MBD5: variants seen among roughly 807,000 people sequenced by gnomAD.
MBD5 encodes the protein methyl-CpG-binding domain protein 5.
Under a neutral mutation model 117.3 loss-of-function variants are expected in MBD5, and 13 were observed. The observed-to-expected ratio is 0.11, with a 90% CI of 0.07 to 0.18. MBD5 has a LOEUF of 0.18. MBD5 is among the 10% of genes least tolerant of loss of function. The pLI, the probability that MBD5 is intolerant of heterozygous loss-of-function variation, is 1.00. For synonymous variants in MBD5, 727 were observed against 766.4 expected, an observed-to-expected ratio of 0.95 and a Z score of 0.85; for missense variants, 1,879 against 2,093.8, an observed-to-expected ratio of 0.90 and a Z score of 2.00.
intron 1 of MBD5, among the ~76,000 whole-genome samples, chr2:148,030,018 C>G (rs999785986): frequency 6.6e-6 from 1 of 152,066 alleles, no homozygotes; most frequent in African/African-American, 2.4e-5. Flanking sequence ...ATGCCTTAAC[C>G]CCAGCACTTT....
At chr2:148,072,495 C>A (rs138500672) in intron 1 of MBD5, among the ~76,000 whole-genome samples, 57 of 152,080 alleles carry the variant, frequency 3.7e-4, no homozygotes, top group Non-Finnish European at 7.2e-4. Context: ...AGTAGTAGAT[C>A]CTTTTGTGAA....
At chr2:148,133,087 AG>A (rs746901934) in intron 1 of MBD5, among the ~76,000 whole-genome samples, 37 of 152,344 alleles carry the variant, frequency 2.4e-4, no homozygotes, top group Non-Finnish European at 4.9e-4. Flanking sequence ...GTATTATAAC[AG>A]AATGTTAATT....
chr2:148,222,994 A>C (rs2106082947), intron 2 of MBD5, among the ~76,000 whole-genome samples: 1 of 152,282 alleles, frequency 6.6e-6, no homozygotes, highest in East Asian at 1.9e-4. Flanking sequence ...GAATTTTATC[A>C]ACTGCTTTTT....
intron 4 of MBD5, among the ~76,000 whole-genome samples, chr2:148,344,566 T>C (rs1421032655): frequency 6.6e-6 from 1 of 152,028 alleles, no homozygotes; most frequent in Non-Finnish European, 1.5e-5. Context: ...GGTTTGTGAA[T>C]GTGTGTGTGA....
At chr2:148,171,633 A>G (rs1574092252) in intron 1 of MBD5, among the ~76,000 whole-genome samples, 1 of 152,222 alleles carries the variant, frequency 6.6e-6, no homozygotes, top group African/African-American at 2.4e-5. Flanking sequence ...GTTAGGCAAG[A>G]GAAAGAAAGA....
chr2:148,346,207 G>GAAC (rs1359094276), intron 4 of MBD5: 2 of 150,802 alleles, frequency 1.3e-5, no homozygotes, highest in Admixed American at 6.6e-5. Context: ...AGAAGAAGAA[G>GAAC]AAGAGGAAGA....
At chr2:148,306,661 G>A (rs1181695023) in intron 3 of MBD5, among the ~76,000 whole-genome samples, 1 of 152,124 alleles carries the variant, frequency 6.6e-6, no homozygotes. Flanking sequence ...CAAAGAACCA[G>A]CAATGTTTCA....
At chr2:148,230,233 T>C (rs765851811) in intron 2 of MBD5, among the ~76,000 whole-genome samples, 7 of 152,188 alleles carry the variant, frequency 4.6e-5, no homozygotes, top group Non-Finnish European at 1.0e-4. Context: ...GGTGTTCTAT[T>C]GTACTGTGGC....
intron 2 of MBD5, among the ~76,000 whole-genome samples, chr2:148,202,651 T>C (rs577730972): frequency 6.6e-6 from 1 of 152,280 alleles, no homozygotes; most frequent in South Asian, 2.1e-4. Flanking sequence ...TTGATGTGAT[T>C]TGAGAAATTT....
chr2:148,102,763 A>G (rs11676251), intron 1 of MBD5, among the ~76,000 whole-genome samples: 677 of 35,518 alleles, frequency 0.019, 7 homozygotes, highest in African/African-American at 0.048. Flanking sequence ...GAGAGAGAGG[A>G]AGAGAGAGAG....
chr2:148,222,242 A>G (rs1009536865), intron 2 of MBD5, among the ~76,000 whole-genome samples: 3 of 151,772 alleles, frequency 2.0e-5, no homozygotes, highest in Non-Finnish European at 2.9e-5. Context: ...GACTATTTTG[A>G]ATTTTCTGTG....
chr2:148,507,664 A>G (rs137992882), intron 12 of MBD5, among the ~76,000 whole-genome samples: 2,326 of 151,938 alleles, frequency 0.015, 51 homozygotes, highest in African/African-American at 0.054. Flanking sequence ...GGGGGCTGAG[A>G]CAGGAGAATG....
At chr2:148,474,532 A>T (rs111598408) in intron 8 of MBD5, among the ~76,000 whole-genome samples, 9 of 150,716 alleles carry the variant, frequency 6.0e-5, no homozygotes, top group Non-Finnish European at 1.0e-4. Context: ...ATTTTTTCCT[A>T]AAAAAAAACC....
intron 8 of MBD5, 130 bp from the exon 9 acceptor site, chr2:148,482,980 C>T (rs1343396167): frequency 2.2e-5 from 21 of 960,974 alleles, no homozygotes; most frequent in Middle Eastern, 2.3e-4. Context: ...TACAATTAAT[C>T]TAGTTACAAT....
intron 3 of MBD5, among the ~76,000 whole-genome samples, chr2:148,268,412 CTTTCTA>C (rs1700909258): frequency 6.6e-6 from 1 of 151,678 alleles, no homozygotes; most frequent in Admixed American, 6.6e-5. Flanking sequence ...TTTATGTTAT[CTTTCTA>C]TTTATATGAG....
In MBD5 at chr2:148,021,498, A is replaced by ACTGCTGCTGCTGCTACTG; in HGVS notation, c.-1102_-1085dup. ...TGCTGCTGTTGCTGCTGCTGCTGCT[A>ACTGCTGCTGCTGCTACTG]CTGCTGCTGCTGCTACTGCTGCTGC... On this transcript the variant is annotated 5_prime_UTR_variant, in exon 1 of 14. Transcript: ENST00000642680. 2 of 570,496 alleles carry ACTGCTGCTGCTGCTACTG rather than the reference A, an allele frequency of 3.5e-6. No homozygotes were observed. Among genetic ancestry groups the ACTGCTGCTGCTGCTACTG allele is most frequent in the Non-Finnish European group, 6.7e-6 (2 of 296,562 alleles). The allele number at this position is 570,496 out of a possible 1,614,324, so 35.3% of individuals were successfully genotyped here. A position where few individuals can be genotyped will look rare whatever the true frequency, so the allele number is the denominator to read the frequency against.
At chr2:148,393,145 A>G (rs531061512) in intron 4 of MBD5, among the ~76,000 whole-genome samples, 2 of 152,298 alleles carry the variant, frequency 1.3e-5, no homozygotes, top group Non-Finnish European at 2.9e-5. Context: ...AAGGCCTTGT[A>G]AAATTATTCA....
At chr2:148,507,560 C>G (rs1033968742) in intron 12 of MBD5, among the ~76,000 whole-genome samples, 1 of 151,186 alleles carries the variant, frequency 6.6e-6, no homozygotes, top group African/African-American at 2.4e-5. Context: ...GAGATCGAGA[C>G]CATCCTGGCT....
intron 2 of MBD5, among the ~76,000 whole-genome samples, chr2:148,230,208 C>A (rs1699948469): frequency 6.6e-6 from 1 of 152,178 alleles, no homozygotes; most frequent in African/African-American, 2.4e-5. Context: ...GTAAAAAAAT[C>A]TCAGAAGTCT....
Sources: gnomAD v4.1 joint callset for allele counts (sites outside exome capture counted in the v4.1 genomes callset) on GRCh38, gnomAD v4.1.1 for gene constraint, MANE v1.5 for transcripts, NCBI Gene and HGNC (gene_info 2026-07-23, HGNC 2026-07-21) for gene names.